SMARCB1: variants seen among roughly 807,000 people sequenced by gnomAD.
SMARCB1 encodes the protein SWI/SNF-related matrix-associated actin-dependent regulator of chromatin subfamily B member 1.
Under a neutral mutation model 49.0 loss-of-function variants are expected in SMARCB1, and 5 were observed. The ratio of observed to expected loss-of-function variants is 0.10; its 90% confidence interval spans 0.05 to 0.21. The LOEUF is 0.21. Ranked by LOEUF, SMARCB1 falls within the 10% of genes least tolerant of loss-of-function variation. The pLI is 1.00. For synonymous variants in SMARCB1, 201 were observed against 200.1 expected, an observed-to-expected ratio of 1.00 and a Z score of -0.04; for missense variants, 226 against 509.2, an observed-to-expected ratio of 0.44 and a Z score of 5.35.
rs527302480 is a variant in SMARCB1, at chr22:23,789,925, G to T, written c.94-1831G>T. Among the ~76,000 whole-genome samples the T allele has an allele frequency of 3.5e-3, 538 of 152,288 alleles. 1 individual carries two copies. Among genetic ancestry groups the T allele is most frequent in the African/African-American group, 0.012 (512 of 41,560 alleles). On this transcript the variant is annotated intron_variant, in intron 1 of 8. Coordinates refer to ENST00000644036, the MANE Select transcript of SMARCB1 (RefSeq NM_003073.5). Reference sequence around the variant, plus strand: ...CATGCGCCATCTGTGGAGCTGTCTTGGGAAGGCATCTGCATTTACTAAGAG... The same window carrying T: ...CATGCGCCATCTGTGGAGCTGTCTTTGGAAGGCATCTGCATTTACTAAGAG...
chr22:23,837,904 G>T lies in SMARCB1; in HGVS notation c.*3724G>T. The stretch of plus-strand genomic sequence containing the variant: ...GTGCAGGCCTCAGCCCAAGCCCAGG[G>T]CCCCTCTGACTTCCCAAGACCCTGG... On this transcript the variant is annotated 3_prime_UTR_variant, in exon 9 of 9. Transcript: ENST00000644036. The T allele has an allele frequency of 6.4e-7, 1 of 1,554,216 alleles. No individual in the cohort carries two copies. Among genetic ancestry groups the T allele is most frequent in the South Asian group, 1.2e-5 (1 of 85,576 alleles).
intron 1 of SMARCB1, among the ~76,000 whole-genome samples, chr22:23,788,854 C>T (rs1340898533): frequency 6.6e-6 from 1 of 151,776 alleles, no homozygotes; most frequent in Admixed American, 6.6e-5. Flanking sequence ...GCATTTTCCA[C>T]CATTTTTTTT....
chr22:23,788,779 T>C (rs1262271430), intron 1 of SMARCB1, among the ~76,000 whole-genome samples: 1 of 152,180 alleles, frequency 6.6e-6, no homozygotes, highest in Non-Finnish European at 1.5e-5. Context: ...GAATGAAGCC[T>C]CAAGATGGTC....
chr22:23,794,340 A>C (rs1412074194), intron 3 of SMARCB1, among the ~76,000 whole-genome samples: 1 of 152,232 alleles, frequency 6.6e-6, no homozygotes, highest in Non-Finnish European at 1.5e-5. Flanking sequence ...GGAATTTCTA[A>C]GAAACGTAAG....
chr22:23,804,264 T>C (rs1361076194), intron 5 of SMARCB1: 2 of 151,340 alleles, frequency 1.3e-5, no homozygotes, highest in African/African-American at 4.9e-5. Flanking sequence ...AGTACAGTGA[T>C]ACTCTCATAG....
chr22:23,826,903 A>G (rs1406785209), intron 7 of SMARCB1, among the ~76,000 whole-genome samples: 1 of 152,048 alleles, frequency 6.6e-6, no homozygotes, highest in Non-Finnish European at 1.5e-5. Context: ...TGCCAGTCAC[A>G]TGGTTCTGCT....
At chr22:23,806,132 G>A (rs1187461005) in intron 5 of SMARCB1, among the ~76,000 whole-genome samples, 4 of 152,228 alleles carry the variant, frequency 2.6e-5, no homozygotes, top group Admixed American at 1.3e-4. Flanking sequence ...GAACCAGGCA[G>A]AATGAGACGT....
intron 5 of SMARCB1, among the ~76,000 whole-genome samples, chr22:23,804,653 C>T (rs953807035): frequency 2.0e-5 from 3 of 152,172 alleles, no homozygotes; most frequent in African/African-American, 4.8e-5. Context: ...AAGCGATTCT[C>T]GTGCCTCAGC....
At chr22:23,825,056 G>A in intron 6 of SMARCB1, 169 bp from the exon 7 acceptor site, 1 of 657,946 alleles carries the variant, frequency 1.5e-6, no homozygotes. Context: ...AGGGTTGTGG[G>A]GTCAGCCTTG....
intron 1 of SMARCB1, 94 bp downstream of exon 1, chr22:23,787,356 G>GGGGCGGGC: frequency 1.7e-6 from 1 of 597,386 alleles, no homozygotes; most frequent in African/African-American, 3.0e-5. Flanking sequence ...TCCATTCATC[G>GGGGCGGGC]GGGCGGGCGG....
intron 1 of SMARCB1, among the ~76,000 whole-genome samples, chr22:23,789,630 T>C (rs1034288113): frequency 1.3e-5 from 2 of 152,228 alleles, no homozygotes; most frequent in African/African-American, 4.8e-5. Context: ...GTCTTGTCTT[T>C]CAGCCCCTTG....
chr22:23,798,427 G>A (rs1408798334), intron 3 of SMARCB1, among the ~76,000 whole-genome samples: 7 of 152,094 alleles, frequency 4.6e-5, no homozygotes, highest in Admixed American at 4.6e-4. Flanking sequence ...TTTAAAAATT[G>A]CACTCTGAGC....
At position 23,835,493 on chromosome 22, in the gene SMARCB1, C is replaced by T. The variant is rs976026774; in HGVS notation, c.*1313C>T. On this transcript the variant is annotated 3_prime_UTR_variant, in exon 9 of 9. Coordinates refer to ENST00000644036, the MANE Select transcript of SMARCB1 (RefSeq NM_003073.5). ...CTGATTAGGGATTGGGGTTCTTGGT[C>T]GCTGAGATGTGAGAGGAGGGCTCCT... is the stretch of plus-strand genomic sequence containing the variant. The T allele has an allele frequency of 1.4e-5, 14 of 985,550 alleles. No individual in the cohort carries two copies. The Admixed American group carries it at 1.8e-4, about 13-fold the overall frequency. The allele number at this position is 985,550 out of a possible 1,614,324, so 61.1% of individuals were successfully genotyped here.
Position 23,837,020 on chromosome 22 carries a change from C to G in SMARCB1, c.*2840C>G, listed in dbSNP as rs370046312. On this transcript the variant is annotated 3_prime_UTR_variant, in exon 9 of 9. Coordinates refer to ENST00000644036, the MANE Select transcript of SMARCB1 (RefSeq NM_003073.5). The stretch of plus-strand genomic sequence containing the variant: ...AGCACAGGTCCCCATCGGTGGGGAT[C>G]CTTCTGAGGGTGGGGAGAGGGAGGG... 3.1e-6 allele frequency: 5 copies of G among 1,612,142 alleles called. No homozygotes were observed. In the African/African-American group the frequency reaches 6.7e-5, roughly 22 times the overall value.
At position 23,790,925 on chromosome 22, in the gene SMARCB1, A is replaced by G. The variant is rs534326115; in HGVS notation, c.94-831A>G. Among the ~76,000 whole-genome samples, 3 of 152,358 alleles carry G rather than the reference A, an allele frequency of 2.0e-5. No homozygotes were observed. In the East Asian group the frequency reaches 5.8e-4, roughly 29 times the overall value. ...GTTGCGTAGATAAAATGGGAAACAT[A>G]ATAGAAGTGGTCCTTCATGGGGGTG... On this transcript the variant is annotated intron_variant, in intron 1 of 8. Transcript: ENST00000644036.
rs750362490 is a variant in SMARCB1 at position 23,837,749 on chromosome 22, C to T, written c.*3569C>T. 45 of 1,614,000 alleles carry T rather than the reference C, an allele frequency of 2.8e-5. No individual in the cohort carries two copies. In the Middle Eastern group the frequency reaches 6.6e-4, roughly 24 times the overall value. On this transcript the variant is annotated 3_prime_UTR_variant, in exon 9 of 9. Transcript: ENST00000644036. Reference sequence around the variant, plus strand: ...AACGGTGCCTGGAAAGTGAGCAGGCCGAAGAAGTTGACCCTCACCCGAGGG... The same window carrying T: ...AACGGTGCCTGGAAAGTGAGCAGGCTGAAGAAGTTGACCCTCACCCGAGGG...
rs2146046118 is a variant in SMARCB1 at position 23,834,253 on chromosome 22, G to A, written c.*73G>A. The A allele has an allele frequency of 6.7e-7, 1 of 1,486,324 alleles. No homozygotes were observed. Among genetic ancestry groups the A allele is most frequent in the Non-Finnish European group, 9.2e-7 (1 of 1,090,396 alleles). The allele number at this position is 1,486,324 out of a possible 1,614,324, so 92.1% of individuals were successfully genotyped here. On this transcript the variant is annotated 3_prime_UTR_variant, in exon 9 of 9. Coordinates refer to ENST00000644036, the MANE Select transcript of SMARCB1 (RefSeq NM_003073.5). ...CCGCCTCTCCTCCATCTTCTGGCAAGGACAGAGGCGAGGGGACAGCCCAGC... is the reference window on the plus strand; with the variant it reads ...CCGCCTCTCCTCCATCTTCTGGCAAAGACAGAGGCGAGGGGACAGCCCAGC...
At chr22:23,809,981 C>A (rs901376517) in intron 5 of SMARCB1, among the ~76,000 whole-genome samples, 1 of 150,294 alleles carries the variant, frequency 6.7e-6, no homozygotes, top group Admixed American at 6.6e-5. Context: ...CCAGCCTGAC[C>A]AACATGGTGA....
At chr22:23,834,105 G>A (rs1448708192) in intron 8 of SMARCB1, 36 bp from the exon 9 acceptor site, 2 of 1,564,124 alleles carry the variant, frequency 1.3e-6, no homozygotes, top group Non-Finnish European at 1.7e-6. Context: ...GCTGGGAGCT[G>A]GCCCCGACTC....
Sources: allele counts gnomAD v4.1 joint callset (sites outside exome capture counted in the v4.1 genomes callset), GRCh38; gene constraint gnomAD v4.1.1; transcripts MANE v1.5; gene names NCBI Gene and HGNC (gene_info 2026-07-23, HGNC 2026-07-21).